Variants in PDE4B observed in about 807,000 individuals in gnomAD.
PDE4B encodes the protein 3',5'-cyclic-AMP phosphodiesterase 4B.
PDE4B carries 20 observed loss-of-function variants against 82.2 expected under a neutral mutation model. The observed-to-expected ratio is 0.24, with a 90% CI of 0.17 to 0.35. PDE4B has a LOEUF of 0.35. PDE4B is among the 10% of genes least tolerant of loss of function. The pLI is 1.00. For synonymous variants in PDE4B, 320 were observed against 318.9 expected (o/e 1.00, Z -0.04); for missense variants, 655 against 907.2 (o/e 0.72, Z 3.57).
intron 3 of PDE4B, among the ~76,000 whole-genome samples, chr1:65,962,113 G>T (rs1176853147): frequency 6.6e-6 from 1 of 152,096 alleles, no homozygotes; most frequent in Non-Finnish European, 1.5e-5. Flanking sequence ...TTAGCCTACG[G>T]TTGGGCAAAA....
rs1183634048 is a variant in PDE4B, at chr1:66,246,447, TC to T, written c.282-1012del. 2.0e-5 allele frequency among the ~76,000 whole-genome samples: 3 copies of T among 152,312 alleles called. No homozygotes were observed. In the East Asian group the frequency reaches 5.8e-4, roughly 29 times the overall value. On this transcript the variant is annotated intron_variant, in intron 3 of 16. Transcript: ENST00000341517. ...AAAAAGGAGCATCCTCAGCCCCATA[TC>T]TTTTGTTCACCATCTCTCTGCAAAG...
chr1:66,218,735 A>G (rs569800605), intron 3 of PDE4B, among the ~76,000 whole-genome samples: 1 of 152,218 alleles, frequency 6.6e-6, no homozygotes, highest in South Asian at 2.1e-4. Context: ...TTCTACCACT[A>G]GACTACAGTT....
intron 3 of PDE4B, among the ~76,000 whole-genome samples, chr1:66,197,634 A>G (rs529192819): frequency 9.8e-5 from 15 of 152,286 alleles, no homozygotes; most frequent in African/African-American, 3.6e-4. Context: ...CATCTCAAAG[A>G]GTAGTGGTTT....
intron 7 of PDE4B, among the ~76,000 whole-genome samples, chr1:66,285,144 A>G (rs1656579517): frequency 6.6e-6 from 1 of 152,172 alleles, no homozygotes. Flanking sequence ...GCATGGTGGT[A>G]GGGCATTTCC....
chr1:65,826,111 C>T (rs1256497110), intron 1 of PDE4B, among the ~76,000 whole-genome samples: 2 of 152,080 alleles, frequency 1.3e-5, no homozygotes, highest in Non-Finnish European at 2.9e-5. Context: ...TTTTCCTTTC[C>T]AAAGTTCACA....
chr1:65,947,578 A>T (rs1327052798), intron 3 of PDE4B, among the ~76,000 whole-genome samples: 1 of 152,070 alleles, frequency 6.6e-6, no homozygotes, highest in Non-Finnish European at 1.5e-5. Flanking sequence ...TTATTAGTTA[A>T]GATGAGGTCA....
At chr1:65,836,221 C>T (rs746059465) in intron 1 of PDE4B, among the ~76,000 whole-genome samples, 11 of 152,276 alleles carry the variant, frequency 7.2e-5, no homozygotes, top group Admixed American at 5.9e-4. Flanking sequence ...GGATTACAGG[C>T]GCAAGCCACT....
At chr1:65,989,283 A>G (rs1651116192) in intron 3 of PDE4B, among the ~76,000 whole-genome samples, 1 of 152,040 alleles carries the variant, frequency 6.6e-6, no homozygotes, top group Non-Finnish European at 1.5e-5. Flanking sequence ...GGCAGATTAC[A>G]TGAGGCCAGG....
chr1:65,818,954 C>T (rs539158239), intron 1 of PDE4B, among the ~76,000 whole-genome samples: 2 of 152,106 alleles, frequency 1.3e-5, no homozygotes, highest in South Asian at 4.2e-4. Flanking sequence ...TCTTAAAAAC[C>T]CCAACATAGT....
intron 1 of PDE4B, among the ~76,000 whole-genome samples, chr1:65,899,668 T>A (rs1022178274): frequency 6.8e-6 from 1 of 147,512 alleles, no homozygotes; most frequent in African/African-American, 2.5e-5. Flanking sequence ...ATATTCCATT[T>A]TATATATATA....
rs1663455009 is a variant in PDE4B at position 66,368,903 on chromosome 1, G to A, written c.1779G>A (p.Glu593=). 6.2e-7 allele frequency: 1 copy of A among 1,613,700 alleles called. No homozygotes were observed. Among genetic ancestry groups the A allele is most frequent in the East Asian group, 2.2e-5 (1 of 44,866 alleles). The part of the protein sequence containing the change: ...MEEFFQQGDK[E]RERGMEISPM... Reference sequence around the variant, plus strand: ...AATTTTTCCAGCAGGGAGACAAAGAGCGGGAGAGGGGAATGGAAATTAGCC... The same window carrying A: ...AATTTTTCCAGCAGGGAGACAAAGAACGGGAGAGGGGAATGGAAATTAGCC... Residue 593 remains glutamate, a synonymous_variant, in exon 16 of 17, where the codon GAG becomes GAA. Transcript: ENST00000341517.
Position 65,947,026 on chromosome 1 carries a change from C to T in PDE4B, c.281+28191C>T, listed in dbSNP as rs541673546. 1.8e-4 allele frequency among the ~76,000 whole-genome samples: 27 copies of T among 152,166 alleles called. No homozygotes were observed. The South Asian group carries it at 4.8e-3, about 27-fold the overall frequency. On this transcript the variant is annotated intron_variant, in intron 3 of 16. Coordinates refer to ENST00000341517, the MANE Select transcript of PDE4B (RefSeq NM_002600.4). ...GCCTCTTGAATCTTCCTCTAGAACA[C>T]ACGTTTCTTTCCAAAGCATCCAGAA...
chr1:65,983,520 T>A (rs1348642868), intron 3 of PDE4B, among the ~76,000 whole-genome samples: 3 of 152,098 alleles, frequency 2.0e-5, no homozygotes, highest in African/African-American at 7.2e-5. Flanking sequence ...TAAAATAAGG[T>A]CATTAAGGTG....
intron 1 of PDE4B, among the ~76,000 whole-genome samples, chr1:65,910,856 C>T (rs1051325046): frequency 6.6e-6 from 1 of 152,084 alleles, no homozygotes; most frequent in African/African-American, 2.4e-5. Context: ...GGGCACAGAC[C>T]AGAATGGAGA....
intron 3 of PDE4B, among the ~76,000 whole-genome samples, chr1:66,155,809 A>C (rs1570359268): frequency 6.6e-6 from 1 of 152,134 alleles, no homozygotes; most frequent in East Asian, 1.9e-4. Flanking sequence ...TTCTCTTTCC[A>C]ACACATGAAT....
chr1:65,926,215 C>T (rs1409135694), intron 3 of PDE4B, among the ~76,000 whole-genome samples: 2 of 152,204 alleles, frequency 1.3e-5, no homozygotes, highest in African/African-American at 4.8e-5. Context: ...AGTCCCCTTA[C>T]ACTTTGACTT....
At chr1:66,055,431 T>C (rs1272208242) in intron 3 of PDE4B, among the ~76,000 whole-genome samples, 1 of 152,256 alleles carries the variant, frequency 6.6e-6, no homozygotes, top group Non-Finnish European at 1.5e-5. Context: ...GCTAGTTTAG[T>C]GCCTGGCACA....
intron 7 of PDE4B, among the ~76,000 whole-genome samples, chr1:66,305,517 G>GGTTT (rs770481801): frequency 4.6e-5 from 7 of 152,152 alleles, no homozygotes; most frequent in South Asian, 4.1e-4. Context: ...CTGGGTGTCT[G>GGTTT]GTTTGTTTGT....
chr1:66,191,767 C>G (rs1258205681), intron 3 of PDE4B, among the ~76,000 whole-genome samples: 1 of 152,126 alleles, frequency 6.6e-6, no homozygotes, highest in Non-Finnish European at 1.5e-5. Flanking sequence ...CTCACAGTTC[C>G]ACGTGGCTGG....
Sources: gnomAD v4.1 joint callset for allele counts (sites outside exome capture counted in the v4.1 genomes callset) on GRCh38, gnomAD v4.1.1 for gene constraint, MANE v1.5 for transcripts, NCBI Gene and HGNC (gene_info 2026-07-23, HGNC 2026-07-21) for gene names.